Variants in BRD1 observed in about 807,000 individuals in gnomAD.
BRD1 encodes bromodomain containing 1.
BRD1 carries 24 observed loss-of-function variants against 107.7 expected under a neutral mutation model. That is an observed-to-expected ratio of 0.22 (90% CI 0.16 to 0.31). The LOEUF is 0.31. Ranked by LOEUF, BRD1 falls within the 10% of genes least tolerant of loss-of-function variation. The probability of loss-of-function intolerance (pLI) is 1.00; values close to 1 mark genes in which losing one functional copy is unlikely to be tolerated. For missense variants in BRD1, 1,279 were observed against 1,638.6 expected, an observed-to-expected ratio of 0.78 and a Z score of 3.79; for synonymous variants, 744 against 686.1, an observed-to-expected ratio of 1.08 and a Z score of -1.32.
At chr22:49,820,246 G>A (rs1350013543) in intron 2 of BRD1, among the ~76,000 whole-genome samples, 35 of 152,212 alleles carry the variant, frequency 2.3e-4, no homozygotes, top group Admixed American at 2.3e-3. Flanking sequence ...TGTCCACAGG[G>A]AATAAGGAAG....
At chr22:49,798,169 T>C in intron 5 of BRD1, 52 bp from the exon 6 acceptor site, 1 of 1,488,042 alleles carries the variant, frequency 6.7e-7, no homozygotes, top group Non-Finnish European at 9.2e-7. Flanking sequence ...AGGATATTAG[T>C]TGACTCTATA....
At chr22:49,785,837 G>A (rs1045622351) in intron 8 of BRD1, among the ~76,000 whole-genome samples, 3 of 152,198 alleles carry the variant, frequency 2.0e-5, no homozygotes, top group Non-Finnish European at 4.4e-5. Context: ...CTGCTTGCTG[G>A]CAAGGGTAGG....
chr22:49,804,158 G>A (rs1208706211), intron 3 of BRD1, 46 bp downstream of exon 3: 9 of 1,505,610 alleles, frequency 6.0e-6, no homozygotes, highest in Non-Finnish European at 7.1e-6. Context: ...CCTGGAGGGT[G>A]GGGGTGAGAG....
At chr22:49,784,556 G>A (rs896632435) in intron 8 of BRD1, among the ~76,000 whole-genome samples, 9 of 152,250 alleles carry the variant, frequency 5.9e-5, no homozygotes, top group African/African-American at 2.4e-5. Context: ...CAGTGAGTGC[G>A]TCGCCTCAGG....
chr22:49,819,706 C>T (rs577235228), intron 2 of BRD1, among the ~76,000 whole-genome samples: 74 of 151,936 alleles, frequency 4.9e-4, no homozygotes, highest in Middle Eastern at 3.4e-3. Flanking sequence ...ACCTCGGCCT[C>T]CCAAAGTGCT....
chr22:49,789,456 C>T (rs1312968891), intron 7 of BRD1, among the ~76,000 whole-genome samples: 2 of 152,078 alleles, frequency 1.3e-5, no homozygotes, highest in African/African-American at 2.4e-5. Flanking sequence ...TGGGGCCTCA[C>T]TTCACTTCCT....
intron 2 of BRD1, among the ~76,000 whole-genome samples, chr22:49,811,455 C>G (rs539426018): frequency 6.6e-6 from 1 of 152,312 alleles, no homozygotes; most frequent in South Asian, 2.1e-4. Context: ...AGACCTCCAG[C>G]GGCTGCCTGA....
At chr22:49,799,258 C>A in intron 3 of BRD1, 139 bp from the exon 4 acceptor site, 2 of 1,106,316 alleles carry the variant, frequency 1.8e-6, no homozygotes, top group African/African-American at 1.6e-5. Flanking sequence ...CAACAGACCA[C>A]CCTCACTAGA....
chr22:49,798,459 A>T, intron 5 of BRD1, 99 bp downstream of exon 5: 1 of 1,547,434 alleles, frequency 6.5e-7, no homozygotes, highest in Non-Finnish European at 8.9e-7. Context: ...TAAGAACACA[A>T]GGGATGTACT....
intron 8 of BRD1, among the ~76,000 whole-genome samples, chr22:49,786,669 G>A (rs902971776): frequency 6.6e-6 from 1 of 152,178 alleles, no homozygotes; most frequent in Non-Finnish European, 1.5e-5. Context: ...CTAGGTCTGT[G>A]GGGCTGCAAG....
Position 49,787,684 on chromosome 22 carries a change from T to G in BRD1, c.2563A>C (p.Thr855Pro), listed in dbSNP as rs1601633995. 3 of 1,550,646 alleles carry G rather than the reference T, an allele frequency of 1.9e-6. No individual in the cohort carries two copies. The East Asian group carries it at 7.3e-5, about 38-fold the overall frequency. Residue 855 changes from threonine to proline, a missense_variant, in exon 8 of 13, where the codon ACC becomes CCC. Physicochemically the swap from Thr to Pro is conservative, Grantham distance 38. This residue lies in a region of BRD1 where 406 missense variants were observed against 519.4 expected (regional missense o/e 0.78). Transcript: ENST00000404760. ...GGCACATCGCCACTACTGGCGCGGGTGGGCTCTGGAGGGCGTCCGCTTACC... is the reference window on the plus strand; with the variant it reads ...GGCACATCGCCACTACTGGCGCGGGGGGGCTCTGGAGGGCGTCCGCTTACC... ...ALVSGRPPEP[T>P]RASSGDVPAA... is the part of the protein sequence containing the mutation.
At chr22:49,784,754 G>A (rs770000095) in intron 8 of BRD1, among the ~76,000 whole-genome samples, 1 of 152,250 alleles carries the variant, frequency 6.6e-6, no homozygotes, top group Non-Finnish European at 1.5e-5. Context: ...AGCACCAGAA[G>A]GTTCCGGTGA....
In BRD1 at chr22:49,787,627, C is replaced by T. The variant is rs760239123; in HGVS notation, c.2620G>A (p.Ala874Thr). The T allele has an allele frequency of 6.4e-7, 1 of 1,550,940 alleles. No homozygotes were observed. The highest frequency in any genetic ancestry group is 8.7e-7 in the Non-Finnish European group (1 of 1,147,148). The change falls in exon 8 of 13, where the codon GCA becomes ACA. Residue 874 changes from alanine to threonine, a missense_variant. Ala to Thr is a moderately conservative substitution (Grantham distance 58). Around this residue, in one of 7 missense-constraint regions of BRD1, gnomAD observed 263 missense variants for 251.6 expected, o/e 1.05. Transcript: ENST00000404760. ...AAAASAVAEPASDVNRRTSVL... is the reference protein window; with the variant it reads ...AAAASAVAEPTSDVNRRTSVL... ...GAAGTGCGTCTGTTTACATCGCTTG[C>T]TGGCTCCGCCACCGCGGAGGCCGCC...
rs553627486 is a variant in BRD1 at position 49,804,109 on chromosome 22, G to C, written c.1524+95C>G. ...TTCCCAACGGGGAGCCTGAGCCCAG[G>C]GGGCAGCACCGTGACCAGCCTGAAC... is the stretch of plus-strand genomic sequence containing the variant. On this transcript the variant is annotated intron_variant, in intron 3 of 12. Coordinates refer to ENST00000404760, the MANE Select transcript of BRD1 (RefSeq NM_001304808.3). The C allele has an allele frequency of 1.4e-4, 152 of 1,108,376 alleles. 1 individual carries two copies. Among genetic ancestry groups the C allele is most frequent in the Middle Eastern group, 1.2e-3 (4 of 3,226 alleles). The allele number at this position is 1,108,376 out of a possible 1,614,324, so 68.7% of individuals were successfully genotyped here. A position where few individuals can be genotyped will look rare whatever the true frequency, so the allele number is the denominator to read the frequency against.
chr22:49,783,516 C>T lies in BRD1; in HGVS notation c.2857+3874G>A, dbSNP rs1271931939. Among the ~76,000 whole-genome samples, 1 of 152,220 alleles carries T rather than the reference C, an allele frequency of 6.6e-6. No individual in the cohort carries two copies. Among genetic ancestry groups the T allele is most frequent in the East Asian group, 1.9e-4 (1 of 5,194 alleles). ...ACGCGCCTGGGCATGGCCGTCACACCCAAACCACCAGTCACTATGGGACGG... is the reference window on the plus strand; with the variant it reads ...ACGCGCCTGGGCATGGCCGTCACACTCAAACCACCAGTCACTATGGGACGG... On this transcript the variant is annotated intron_variant, in intron 8 of 12. Coordinates refer to ENST00000404760, the MANE Select transcript of BRD1 (RefSeq NM_001304808.3). This position sits in a 1 kb window ranked among gnomAD's most constrained non-coding sequence, Gnocchi z 4.2.
intron 8 of BRD1, among the ~76,000 whole-genome samples, chr22:49,785,485 C>T (rs536487069): frequency 9.9e-5 from 15 of 152,230 alleles, no homozygotes; most frequent in Non-Finnish European, 2.1e-4. Context: ...TGCACAGCAC[C>T]CTGACCCGAT....
At chr22:49,774,537 C>T in intron 12 of BRD1, 121 bp from the exon 13 acceptor site, 1 of 1,126,038 alleles carries the variant, frequency 8.9e-7, no homozygotes, top group Non-Finnish European at 1.3e-6. Context: ...TCAGCACCAC[C>T]AAGACAGCTG....
At position 49,792,848 on chromosome 22, in the gene BRD1, G is replaced by A. The variant is rs570889109; in HGVS notation, c.2359+1186C>T. Among the ~76,000 whole-genome samples, 7 of 152,288 alleles carry A rather than the reference G, an allele frequency of 4.6e-5. No individual in the cohort carries two copies. The South Asian group carries it at 8.3e-4, about 18-fold the overall frequency. ...AAATGTAAAACAGGATAAAAGGGGC[G>A]AAGCTCTGCAGACAGGAGCCACAAG... is the stretch of plus-strand genomic sequence containing the variant. On this transcript the variant is annotated intron_variant, in intron 7 of 12. Coordinates refer to ENST00000404760, the MANE Select transcript of BRD1 (RefSeq NM_001304808.3). This position sits in a 1 kb window ranked among gnomAD's most constrained non-coding sequence, Gnocchi z 4.2.
chr22:49,822,818 AG>A, intron 2 of BRD1, 132 bp downstream of exon 2: 1 of 1,028,562 alleles, frequency 9.7e-7, no homozygotes. Context: ...ACCACACTTC[AG>A]GGGAATATTA....
Sources: allele counts gnomAD v4.1 joint callset (sites outside exome capture counted in the v4.1 genomes callset), GRCh38; gene constraint gnomAD v4.1.1; regional missense constraint gnomAD v4.1.1; non-coding constraint Gnocchi (gnomAD v3.1); transcripts MANE v1.5; gene names NCBI Gene and HGNC (gene_info 2026-07-23, HGNC 2026-07-21).